The following ARHGAP6 variants were observed in gnomAD, a reference collection of about 807,000 sequenced individuals.
ARHGAP6 encodes the protein rho GTPase-activating protein 6.
ARHGAP6 carries 16 observed loss-of-function variants against 55.7 expected under a neutral mutation model. The observed-to-expected ratio is 0.29, with a 90% CI of 0.19 to 0.44. The LOEUF (loss-of-function observed/expected upper bound fraction) is 0.44, where lower values mean the gene tolerates loss of function less well. Among genes scored for constraint, ARHGAP6 ranks in the 20% least tolerant of loss-of-function variants. The probability of loss-of-function intolerance (pLI) is 1.00; values close to 1 mark genes in which losing one functional copy is unlikely to be tolerated. For synonymous variants in ARHGAP6, 382 were observed against 360.9 expected (o/e 1.06, Z -0.66); for missense variants, 698 against 808.9 (o/e 0.86, Z 1.66).
intron 1 of ARHGAP6, among the ~76,000 whole-genome samples, chrX:11,545,573 A>C (rs1211448834): frequency 8.9e-6 from 1 of 112,174 alleles, no homozygotes; most frequent in Non-Finnish European, 1.9e-5. Context: ...TTAAGCATAG[A>C]AGTCAGGCAG....
intron 2 of ARHGAP6, among the ~76,000 whole-genome samples, chrX:11,247,151 T>G (rs1038715413): frequency 8.9e-6 from 1 of 111,821 alleles, no homozygotes; most frequent in African/African-American, 3.3e-5. Flanking sequence ...GCCATATAAT[T>G]GAGCAATTTT....
chrX:11,410,894 A>G (rs1425342816), intron 1 of ARHGAP6, among the ~76,000 whole-genome samples: 2 of 109,209 alleles, frequency 1.8e-5, no homozygotes, highest in Non-Finnish European at 3.8e-5. Flanking sequence ...GAAAATTTTC[A>G]AAAAAGAAGG....
chrX:11,444,676 G>C (rs2050073952), intron 1 of ARHGAP6, among the ~76,000 whole-genome samples: 1 of 111,958 alleles, frequency 8.9e-6, no homozygotes, highest in African/African-American at 3.3e-5. Context: ...TTCATTACTA[G>C]CCAAACATCT....
At chrX:11,320,766 TACACACACACACACACAC>T (rs56815077) in intron 1 of ARHGAP6, among the ~76,000 whole-genome samples, 18 of 85,664 alleles carry the variant, frequency 2.1e-4, no homozygotes, top group East Asian at 1.2e-3. Flanking sequence ...AATATCTCTT[TACACACACACACACACAC>T]ACACACACAC....
At chrX:11,234,601 A>G (rs12156785) in intron 2 of ARHGAP6, among the ~76,000 whole-genome samples, 23,379 of 111,505 alleles carry the variant, frequency 0.21, 1,872 homozygotes, top group Middle Eastern at 0.34. Flanking sequence ...GGTGCAACTC[A>G]TTGAGAATAG....
chrX:11,615,096 T>A (rs921219015), intron 1 of ARHGAP6, among the ~76,000 whole-genome samples: 1 of 111,059 alleles, frequency 9.0e-6, no homozygotes, highest in African/African-American at 3.3e-5. Flanking sequence ...CCCACCTTTC[T>A]TAGGGAGACT....
At chrX:11,175,491 T>C (rs976996467) in intron 8 of ARHGAP6, among the ~76,000 whole-genome samples, 1 of 112,005 alleles carries the variant, frequency 8.9e-6, no homozygotes, top group East Asian at 2.8e-4. Context: ...ACTAGGTCTC[T>C]CAACCACTCT....
intron 1 of ARHGAP6, among the ~76,000 whole-genome samples, chrX:11,556,689 T>G (rs2051322799): frequency 1.8e-5 from 2 of 112,313 alleles, no homozygotes; most frequent in African/African-American, 6.5e-5. Context: ...CTAATTTTGT[T>G]ATGGTAAGGT....
At chrX:11,553,894 A>T (rs2051295615) in intron 1 of ARHGAP6, among the ~76,000 whole-genome samples, 1 of 112,148 alleles carries the variant, frequency 8.9e-6, no homozygotes, top group South Asian at 3.8e-4. Context: ...GTGAATACCA[A>T]CATGAATTTA....
chrX:11,332,912 G>T (rs911572530), intron 1 of ARHGAP6, among the ~76,000 whole-genome samples: 1 of 111,621 alleles, frequency 9.0e-6, no homozygotes, highest in Non-Finnish European at 1.9e-5. Context: ...GATTCCTCTT[G>T]CTACCCCTTT....
chrX:11,503,667 TTCTC>T (rs2050702543), intron 1 of ARHGAP6, among the ~76,000 whole-genome samples: 1 of 111,680 alleles, frequency 9.0e-6, no homozygotes, highest in African/African-American at 3.3e-5. Flanking sequence ...GAAACGTTCT[TTCTC>T]TCTCTCGGAT....
intron 1 of ARHGAP6, among the ~76,000 whole-genome samples, chrX:11,598,467 C>CTA (rs1477821658): frequency 1.8e-5 from 2 of 111,848 alleles, no homozygotes; most frequent in African/African-American, 6.5e-5. Context: ...GAGCAAAGTA[C>CTA]CCAATAGGTA....
At position 11,328,367 on chromosome X, in the gene ARHGAP6, T is replaced by C. The variant is rs150913987; in HGVS notation, c.589-73660A>G. Among the ~76,000 whole-genome samples, 82 of 112,083 alleles carry C rather than the reference T, an allele frequency of 7.3e-4. No homozygotes were observed. In the East Asian group the frequency reaches 0.019, roughly 26 times the overall value. ...TCCAGATGGGGGAGCCAGCCTCCGATAGATTCTAATTCAGATGCAGCATTT... is the reference window on the plus strand; with the variant it reads ...TCCAGATGGGGGAGCCAGCCTCCGACAGATTCTAATTCAGATGCAGCATTT... On this transcript the variant is annotated intron_variant, in intron 1 of 12. Transcript: ENST00000337414.
chrX:11,462,107 A>G (rs1023434489), intron 1 of ARHGAP6, among the ~76,000 whole-genome samples: 4 of 112,500 alleles, frequency 3.6e-5, no homozygotes, highest in African/African-American at 9.7e-5. Flanking sequence ...ATGAGACACA[A>G]AAGGAACCAG....
At chrX:11,503,903 C>T (rs192019711) in intron 1 of ARHGAP6, among the ~76,000 whole-genome samples, 1 of 111,647 alleles carries the variant, frequency 9.0e-6, no homozygotes, top group South Asian at 3.7e-4. Context: ...TGCACACACA[C>T]ATCTGTGTCT....
intron 1 of ARHGAP6, among the ~76,000 whole-genome samples, chrX:11,517,008 C>A (rs1054967516): frequency 8.9e-6 from 1 of 111,957 alleles, no homozygotes; most frequent in African/African-American, 3.2e-5. Flanking sequence ...CTCCAGAACT[C>A]AAAATCCATG....
chrX:11,276,548 T>A (rs1603003324), intron 1 of ARHGAP6, among the ~76,000 whole-genome samples: 2 of 112,091 alleles, frequency 1.8e-5, no homozygotes, highest in East Asian at 5.6e-4. Context: ...TTCCTGACTT[T>A]TAGTATTAAG....
At chrX:11,392,578 G>A (rs917052167) in intron 1 of ARHGAP6, among the ~76,000 whole-genome samples, 22 of 111,585 alleles carry the variant, frequency 2.0e-4, no homozygotes, top group Middle Eastern at 4.6e-3. Flanking sequence ...TAGCATTTTG[G>A]AGGAGGCTTT....
At chrX:11,280,771 A>AT (rs2047845454) in intron 1 of ARHGAP6, among the ~76,000 whole-genome samples, 1 of 103,309 alleles carries the variant, frequency 9.7e-6, no homozygotes, top group African/African-American at 3.7e-5. Flanking sequence ...AAAAATCAAA[A>AT]TTTTTTTCGG....
Sources: gnomAD v4.1 joint callset for allele counts (sites outside exome capture counted in the v4.1 genomes callset) on GRCh38, gnomAD v4.1.1 for gene constraint, MANE v1.5 for transcripts, NCBI Gene and HGNC (gene_info 2026-07-23, HGNC 2026-07-21) for gene names.